Variants in DACH2 observed in about 807,000 individuals in gnomAD.
DACH2 encodes dachshund homolog 2.
In DACH2, 17 loss-of-function variants were observed where a neutral mutation model predicts 35.8. That is an observed-to-expected ratio of 0.48 (90% CI 0.33 to 0.71). The LOEUF (loss-of-function observed/expected upper bound fraction) is 0.71, where lower values mean the gene tolerates loss of function less well. Among genes scored for constraint, DACH2 ranks in the 30% least tolerant of loss-of-function variants. DACH2 has a pLI of 0.02. For missense variants in DACH2, 469 were observed against 472.7 expected (o/e 0.99, Z 0.07); for synonymous variants, 195 against 177.3 (o/e 1.10, Z -0.79).
At chrX:86,535,667 G>A (rs777783053) in intron 3 of DACH2, among the ~76,000 whole-genome samples, 2 of 110,541 alleles carry the variant, frequency 1.8e-5, no homozygotes, top group African/African-American at 6.6e-5. Flanking sequence ...GTATTGGTGT[G>A]GTGGCAGCCT....
At chrX:86,725,361 T>C (rs1407574519) in intron 6 of DACH2, among the ~76,000 whole-genome samples, 1 of 111,934 alleles carries the variant, frequency 8.9e-6, no homozygotes, top group Non-Finnish European at 1.9e-5. Context: ...AGTCGGATAC[T>C]TTGGCTTTGA....
intron 6 of DACH2, among the ~76,000 whole-genome samples, chrX:86,722,971 T>C (rs1320864171): frequency 1.8e-5 from 2 of 111,635 alleles, no homozygotes; most frequent in Non-Finnish European, 3.8e-5. Flanking sequence ...TTTTGTTTGA[T>C]GGTTATTTGT....
intron 1 of DACH2, among the ~76,000 whole-genome samples, chrX:86,376,123 G>A (rs2035962450): frequency 9.5e-6 from 1 of 105,692 alleles, no homozygotes; most frequent in South Asian, 4.2e-4. Context: ...TCTTTTGTGT[G>A]GATGTATGTA....
intron 1 of DACH2, among the ~76,000 whole-genome samples, chrX:86,207,166 A>G (rs367699626): frequency 9.0e-6 from 1 of 111,554 alleles, no homozygotes; most frequent in Non-Finnish European, 1.9e-5. Context: ...ACTTATGAAG[A>G]TTAGTCAGGC....
At chrX:86,485,400 A>G (rs2038004123) in intron 2 of DACH2, among the ~76,000 whole-genome samples, 1 of 111,479 alleles carries the variant, frequency 9.0e-6, no homozygotes, top group Admixed American at 9.6e-5. Flanking sequence ...CTGGAGAAAG[A>G]TTGGTCAATG....
At chrX:86,552,000 G>A (rs1304178400) in intron 3 of DACH2, among the ~76,000 whole-genome samples, 1 of 111,452 alleles carries the variant, frequency 9.0e-6, no homozygotes, top group East Asian at 2.8e-4. Context: ...GCCCTATCTA[G>A]TTTAGTGTTT....
chrX:86,518,969 G>A (rs779507467), intron 3 of DACH2, among the ~76,000 whole-genome samples: 1 of 112,192 alleles, frequency 8.9e-6, no homozygotes, highest in East Asian at 2.8e-4. Flanking sequence ...TCCTTATCTT[G>A]TTACCGTTTT....
chrX:86,670,879 A>G (rs1028144677), intron 4 of DACH2, among the ~76,000 whole-genome samples: 5 of 112,092 alleles, frequency 4.5e-5, no homozygotes, highest in Non-Finnish European at 1.9e-5. Context: ...ATTGACCATC[A>G]TATTTTAATT....
At chrX:86,275,383 GTTTT>G (rs1246988843) in intron 1 of DACH2, among the ~76,000 whole-genome samples, 5 of 110,821 alleles carry the variant, frequency 4.5e-5, no homozygotes, top group African/African-American at 1.6e-4. Context: ...TTGAAATTTT[GTTTT>G]TTTAACCTTT....
At chrX:86,602,774 G>A (rs957755289) in intron 3 of DACH2, among the ~76,000 whole-genome samples, 1 of 110,896 alleles carries the variant, frequency 9.0e-6, no homozygotes, top group Non-Finnish European at 1.9e-5. Context: ...CCATTTTTGG[G>A]TCGTCTTTTT....
intron 2 of DACH2, among the ~76,000 whole-genome samples, chrX:86,449,166 T>C (rs1184473107): frequency 1.8e-4 from 8 of 45,518 alleles, no homozygotes; most frequent in African/African-American, 6.0e-4. Flanking sequence ...TTTTTTATTG[T>C]GTCTATTTGA....
intron 1 of DACH2, among the ~76,000 whole-genome samples, chrX:86,212,087 A>G (rs1232786408): frequency 9.0e-6 from 1 of 111,511 alleles, no homozygotes; most frequent in Admixed American, 9.6e-5. Context: ...GGGAGTCAAG[A>G]ATCGAGTCAA....
At chrX:86,758,661 T>G (rs1327519310) in intron 7 of DACH2, among the ~76,000 whole-genome samples, 2 of 112,240 alleles carry the variant, frequency 1.8e-5, no homozygotes, top group African/African-American at 6.5e-5. Flanking sequence ...ATCTGTCCTT[T>G]GAAATGTTTA....
Position 86,495,221 on chromosome X carries a change from T to A in DACH2, c.528-19058T>A, listed in dbSNP as rs145899667. Among the ~76,000 whole-genome samples, 1,189 of 109,100 alleles carry A rather than the reference T, an allele frequency of 0.011. 59 individuals carry two copies. In the East Asian group the frequency reaches 0.21, roughly 20 times the overall value. 94.7% of individuals were successfully genotyped at this position (109,100 alleles called of 115,157 possible). On this transcript the variant is annotated intron_variant, in intron 2 of 11. Transcript: ENST00000373125. ...TGCTACCAGGCCTGGTTATTATTTT[T>A]TTTTTATTTTTATTTTTTAGTAGAG...
intron 3 of DACH2, among the ~76,000 whole-genome samples, chrX:86,546,563 G>C (rs1056170121): frequency 2.2e-5 from 2 of 91,604 alleles, no homozygotes; most frequent in East Asian, 7.0e-4. Flanking sequence ...CACCCAGGCC[G>C]TAGTGCAATG....
intron 2 of DACH2, among the ~76,000 whole-genome samples, chrX:86,418,880 G>A (rs1284674135): frequency 1.8e-5 from 2 of 111,832 alleles, no homozygotes; most frequent in Admixed American, 1.9e-4. Flanking sequence ...GTCATTAACA[G>A]CGCCCAAGTC....
At chrX:86,183,497 A>T (rs765591981) in intron 1 of DACH2, among the ~76,000 whole-genome samples, 54 of 111,903 alleles carry the variant, frequency 4.8e-4, no homozygotes, top group African/African-American at 1.8e-3. Context: ...GCATATGTTG[A>T]ACCAGCCTTG....
intron 1 of DACH2, among the ~76,000 whole-genome samples, chrX:86,187,618 G>T (rs189133623): frequency 0.033 from 3,621 of 110,357 alleles, 143 homozygotes; most frequent in African/African-American, 0.11. Context: ...TAGAGACAGG[G>T]TTTCGCCGTG....
At chrX:86,175,405 T>C (rs2031268212) in intron 1 of DACH2, among the ~76,000 whole-genome samples, 2 of 111,492 alleles carry the variant, frequency 1.8e-5, no homozygotes, top group African/African-American at 6.5e-5. Flanking sequence ...GAGTGGCATG[T>C]GTTTAAGAAA....
Sources: allele counts gnomAD v4.1 joint callset (sites outside exome capture counted in the v4.1 genomes callset), GRCh38; gene constraint gnomAD v4.1.1; transcripts MANE v1.5; gene names NCBI Gene and HGNC (gene_info 2026-07-23, HGNC 2026-07-21).